Variants in PI4K2A observed in about 807,000 individuals in gnomAD.
PI4K2A encodes the protein phosphatidylinositol 4-kinase type 2-alpha.
In PI4K2A, 20 loss-of-function variants were observed where a neutral mutation model predicts 55.0. That is an observed-to-expected ratio of 0.36 (90% CI 0.26 to 0.53). PI4K2A has a LOEUF of 0.53. Among genes scored for constraint, PI4K2A ranks in the 20% least tolerant of loss-of-function variants. PI4K2A has a pLI of 0.91. For synonymous variants in PI4K2A, 235 were observed against 258.5 expected, an observed-to-expected ratio of 0.91 and a Z score of 0.87; for missense variants, 463 against 637.1, an observed-to-expected ratio of 0.73 and a Z score of 2.94.
intron 8 of PI4K2A, 119 bp from the exon 9 acceptor site, chr10:97,673,462 A>G (rs1302631917): frequency 1.3e-6 from 1 of 743,540 alleles, no homozygotes; most frequent in Non-Finnish European, 2.1e-6. Flanking sequence ...TATTTGCATG[A>G]TTTTCCATTG....
At chr10:97,646,285 A>G (rs2041504612) in intron 1 of PI4K2A, among the ~76,000 whole-genome samples, 1 of 149,418 alleles carries the variant, frequency 6.7e-6, no homozygotes, top group South Asian at 2.1e-4. Flanking sequence ...CATGATCTCG[A>G]CTCACTGCAA....
At chr10:97,657,329 A>G (rs2041559746) in intron 4 of PI4K2A, among the ~76,000 whole-genome samples, 1 of 152,144 alleles carries the variant, frequency 6.6e-6, no homozygotes, top group South Asian at 2.1e-4. Context: ...AGTGCAATTT[A>G]AATTCAACTA....
chr10:97,655,369 C>CAAAA (rs61219001), intron 2 of PI4K2A, among the ~76,000 whole-genome samples: 2 of 67,758 alleles, frequency 3.0e-5, no homozygotes, highest in African/African-American at 5.7e-5. Context: ...GACTCTGTCT[C>CAAAA]AAAAAAAAAA....
intron 4 of PI4K2A, among the ~76,000 whole-genome samples, chr10:97,657,196 A>G (rs1178797017): frequency 6.6e-6 from 1 of 152,116 alleles, no homozygotes; most frequent in Non-Finnish European, 1.5e-5. Context: ...TGTGAAGAGT[A>G]CTCTTATCCT....
At chr10:97,647,333 A>C (rs1052835243) in intron 1 of PI4K2A, among the ~76,000 whole-genome samples, 5 of 152,230 alleles carry the variant, frequency 3.3e-5, no homozygotes, top group South Asian at 4.1e-4. Context: ...GAGAAAAAAA[A>C]CACAAAATAT....
intron 8 of PI4K2A, among the ~76,000 whole-genome samples, chr10:97,669,932 G>C (rs1023223990): frequency 6.6e-6 from 1 of 151,994 alleles, no homozygotes; most frequent in African/African-American, 2.4e-5. Flanking sequence ...TTAAAGACAG[G>C]GTCATGCTCT....
At chr10:97,646,602 T>C (rs937134560) in intron 1 of PI4K2A, among the ~76,000 whole-genome samples, 4 of 152,230 alleles carry the variant, frequency 2.6e-5, no homozygotes, top group Non-Finnish European at 5.9e-5. Context: ...AGAAGACTTT[T>C]ATAAAAGGTA....
rs1242176760 is a variant in PI4K2A, at chr10:97,666,586, C to G, written c.1218+15C>G. On this transcript the variant is annotated intron_variant, in intron 7 of 8. Coordinates refer to ENST00000370631, the Ensembl canonical transcript of PI4K2A. ...AACTCTTCAAGGTTAGCCCTGGGAA[C>G]CTCAGCCCTATTATCATATGGGAGA... The G allele has an allele frequency of 1.3e-6, 2 of 1,597,944 alleles. No individual in the cohort carries two copies. The highest frequency in any genetic ancestry group is 8.5e-7 in the Non-Finnish European group (1 of 1,174,490).
intron 6 of PI4K2A, among the ~76,000 whole-genome samples, 174 bp downstream of exon 6, chr10:97,665,158 C>T (rs2041603811): frequency 6.6e-6 from 1 of 152,148 alleles, no homozygotes; most frequent in Non-Finnish European, 1.5e-5. Context: ...ATAATGTAAG[C>T]TGTTTTTCTA....
rs192530541 is a variant in PI4K2A, at chr10:97,662,122, G to C, written c.923-785G>C. ...CTCTGCCTCCTCAGCCTCCCAAAAT[G>C]CTGGGATTTCAGGTACAGCCTCTGC... is the stretch of plus-strand genomic sequence containing the variant. On this transcript the variant is annotated intron_variant, in intron 4 of 8. Transcript: ENST00000370631. Among the ~76,000 whole-genome samples the C allele has an allele frequency of 5.5e-3, 845 of 152,272 alleles. 2 individuals carry two copies. Among genetic ancestry groups the C allele is most frequent in the Non-Finnish European group, 7.8e-3 (529 of 68,014 alleles).
At chr10:97,650,874 T>C (rs985043204) in intron 1 of PI4K2A, 67 bp from the exon 2 acceptor site, 15 of 1,146,102 alleles carry the variant, frequency 1.3e-5, no homozygotes, top group African/African-American at 1.1e-4. Context: ...AGATTCCTGC[T>C]GACTTGGTCT....
rs747737349 is a variant in PI4K2A, at chr10:97,640,705, G to A, written c.-38G>A. The A allele has an allele frequency of 5.0e-6, 7 of 1,408,538 alleles. No homozygotes were observed. The African/African-American group carries it at 1.0e-4, about 21-fold the overall frequency. The allele number at this position is 1,408,538 out of a possible 1,614,324, so 87.3% of individuals were successfully genotyped here. On this transcript the variant is annotated 5_prime_UTR_variant, in exon 1 of 9. In the 5' UTR this introduces an upstream ATG that the reference lacks. Coordinates refer to ENST00000370631, the Ensembl canonical transcript of PI4K2A. Reference sequence around the variant, plus strand: ...TGGTCGCGGCCGCGAGCGCAGTGGTGTGGAGCGCGCCGGGTCCCGGAGCCG... The same window carrying A: ...TGGTCGCGGCCGCGAGCGCAGTGGTATGGAGCGCGCCGGGTCCCGGAGCCG...
exon 9 of PI4K2A, chr10:97,673,872 C>T: frequency 2.5e-6 from 2 of 787,552 alleles, no homozygotes; most frequent in Non-Finnish European, 2.0e-6. Flanking sequence ...TGCTTGCCAC[C>T]CTGCTCAGAG....
intron 4 of PI4K2A, among the ~76,000 whole-genome samples, chr10:97,658,863 A>C (rs1193017499): frequency 1.3e-5 from 2 of 152,200 alleles, no homozygotes; most frequent in East Asian, 3.8e-4. Context: ...CTGATTGGCC[A>C]ATCATATATC....
chr10:97,662,815 GT>G, intron 4 of PI4K2A, 91 bp from the exon 5 acceptor site: 1 of 803,748 alleles, frequency 1.2e-6, no homozygotes, highest in Non-Finnish European at 2.3e-6. Context: ...CAGTAGAAGC[GT>G]TAGTCCGAGT....
intron 5 of PI4K2A, among the ~76,000 whole-genome samples, chr10:97,663,689 G>A (rs552523920): frequency 3.3e-5 from 5 of 151,370 alleles, no homozygotes; most frequent in Non-Finnish European, 7.4e-5. Context: ...GCATGATGGC[G>A]GGAGCTTGTA....
chr10:97,662,076 A>C (rs1490629402), intron 4 of PI4K2A, among the ~76,000 whole-genome samples: 1 of 151,832 alleles, frequency 6.6e-6, no homozygotes, highest in African/African-American at 2.4e-5. Flanking sequence ...GCTGGTCTTG[A>C]ACTCCTGGCC....
rs66740150 is a variant in PI4K2A, at chr10:97,642,866, T to TCC, written c.435+1689_435+1690insCC. 0.012 allele frequency among the ~76,000 whole-genome samples: 55 copies of TCC among 4,670 alleles called. 3 individuals carry two copies. In the East Asian group the frequency reaches 0.19, roughly 16 times the overall value. 3.1% of individuals were successfully genotyped at this position (4,670 alleles called of 152,430 possible). On this transcript the variant is annotated intron_variant, in intron 1 of 8. Transcript: ENST00000370631. ...TCCTTCCTTCCTTTCTTTCTTTCTT[T>TCC]TTCTTTCTTTCTTTCTTTCTTCCTT...
chr10:97,673,853 C>T (rs2041648107), exon 9 of PI4K2A: 1 of 918,784 alleles, frequency 1.1e-6, no homozygotes, highest in Non-Finnish European at 1.7e-6. Context: ...TTTAAGAGCC[C>T]TCTCTCTCTG....
Sources: allele counts gnomAD v4.1 joint callset (sites outside exome capture counted in the v4.1 genomes callset), GRCh38; gene constraint gnomAD v4.1.1; transcripts MANE v1.5; gene names NCBI Gene and HGNC (gene_info 2026-07-23, HGNC 2026-07-21).